Variants in SMARCB1 observed in about 807,000 individuals in gnomAD.
SMARCB1 encodes the protein SWI/SNF-related matrix-associated actin-dependent regulator of chromatin subfamily B member 1.
A neutral mutation model predicts 49.0 loss-of-function variants in SMARCB1; 5 were observed. That is an observed-to-expected ratio of 0.10 (90% CI 0.05 to 0.21). The LOEUF (loss-of-function observed/expected upper bound fraction) is 0.21, where lower values mean the gene tolerates loss of function less well. SMARCB1 is among the 10% of genes least tolerant of loss of function. The probability of loss-of-function intolerance (pLI) is 1.00; values close to 1 mark genes in which losing one functional copy is unlikely to be tolerated. For missense variants in SMARCB1, 226 were observed against 509.2 expected (o/e 0.44, Z 5.35); for synonymous variants, 201 against 200.1 (o/e 1.00, Z -0.04).
At chr22:23,815,003 A>G (rs1230072370) in intron 5 of SMARCB1, 1 of 151,750 alleles carries the variant, frequency 6.6e-6, no homozygotes, top group Non-Finnish European at 1.5e-5. Context: ...AGACAGGAAG[A>G]GAAATTTCAC....
chr22:23,804,532 T>G (rs1180515971), intron 5 of SMARCB1: 1 of 152,140 alleles, frequency 6.6e-6, no homozygotes, highest in African/African-American at 2.4e-5. Flanking sequence ...ATCATAAGTA[T>G]CTTTCTGGTT....
At chr22:23,831,213 C>T (rs936158121) in intron 7 of SMARCB1, among the ~76,000 whole-genome samples, 7 of 152,128 alleles carry the variant, frequency 4.6e-5, no homozygotes, top group African/African-American at 1.4e-4. Context: ...GGTCATTTTC[C>T]CTTGAAGTCT....
intron 5 of SMARCB1, among the ~76,000 whole-genome samples, chr22:23,806,991 G>A (rs1290452270): frequency 6.6e-6 from 1 of 151,646 alleles, no homozygotes; most frequent in Non-Finnish European, 1.5e-5. Context: ...TGAGTTTGAG[G>A]TTATTTTCTC....
chr22:23,813,229 A>G (rs1243751380), intron 5 of SMARCB1, among the ~76,000 whole-genome samples: 1 of 152,266 alleles, frequency 6.6e-6, no homozygotes, highest in Non-Finnish European at 1.5e-5. Flanking sequence ...GAACAAGCCA[A>G]ATATGTCTGC....
At chr22:23,817,000 C>T in intron 6 of SMARCB1, 64 bp downstream of exon 6, 1 of 1,365,820 alleles carries the variant, frequency 7.3e-7, no homozygotes, top group South Asian at 1.2e-5. Flanking sequence ...CATCATGGAG[C>T]ACTGAGGGTA....
chr22:23,793,124 A>G (rs1358839596), intron 2 of SMARCB1: 3 of 265,440 alleles, frequency 1.1e-5, no homozygotes, highest in Admixed American at 4.6e-5. Context: ...CTTCCATTCC[A>G]TCTCCCCACC....
Position 23,837,488 on chromosome 22 carries a change from G to T in SMARCB1, c.*3308G>T, listed in dbSNP as rs569047608. 16 of 721,704 alleles carry T rather than the reference G, an allele frequency of 2.2e-5. No homozygotes were observed. Among genetic ancestry groups the T allele is most frequent in the Admixed American group, 5.8e-5 (2 of 34,632 alleles). The allele number at this position is 721,704 out of a possible 1,614,324, so 44.7% of individuals were successfully genotyped here. A position where few individuals can be genotyped will look rare whatever the true frequency, so the allele number is the denominator to read the frequency against. ...CTGACGATGCAAATTATGTGGGCCG[G>T]CTGGCTTGAGGGGCTGTAAGAGCAC... On this transcript the variant is annotated 3_prime_UTR_variant, in exon 9 of 9. Coordinates refer to ENST00000644036, the MANE Select transcript of SMARCB1 (RefSeq NM_003073.5).
chr22:23,829,583 G>A (rs1445652607), intron 7 of SMARCB1, among the ~76,000 whole-genome samples: 1 of 152,186 alleles, frequency 6.6e-6, no homozygotes, highest in Non-Finnish European at 1.5e-5. Flanking sequence ...TACACGTTGG[G>A]CTGGTTGAGC....
intron 6 of SMARCB1, chr22:23,824,553 AGTCTGTGT>A: frequency 1.3e-5 from 2 of 152,082 alleles, no homozygotes; most frequent in South Asian, 2.1e-4. Flanking sequence ...CCTGGGGTAC[AGTCTGTGT>A]TCTCTCAGCT....
rs1018307005 is a variant in SMARCB1, at chr22:23,801,380, G to A, written c.500+299G>A. On this transcript the variant is annotated intron_variant, in intron 4 of 8. Coordinates refer to ENST00000644036, the MANE Select transcript of SMARCB1 (RefSeq NM_003073.5). ...TCTCTGCCCTCAGTTTCACATGAGT[G>A]GGCCACAGCCAGTCTGATGGTGCAG... is the stretch of plus-strand genomic sequence containing the variant. The A allele has an allele frequency of 2.2e-5, 15 of 674,022 alleles. No individual in the cohort carries two copies. In the African/African-American group the frequency reaches 2.5e-4, roughly 11 times the overall value. The allele number at this position is 674,022 out of a possible 1,614,324, so 41.8% of individuals were successfully genotyped here.
intron 3 of SMARCB1, among the ~76,000 whole-genome samples, chr22:23,795,932 T>A (rs1223224318): frequency 6.6e-6 from 1 of 151,484 alleles, no homozygotes; most frequent in East Asian, 2.0e-4. Flanking sequence ...CTGGGATTAC[T>A]GGAATGCACC....
rs58056758 is a variant in SMARCB1, at chr22:23,822,957, C to CTTTTTTTTT, written c.796-2235_796-2227dup. Among the ~76,000 whole-genome samples the CTTTTTTTTT allele has an allele frequency of 2.1e-4, 15 of 72,764 alleles. 2 individuals carry two copies. Among genetic ancestry groups the CTTTTTTTTT allele is most frequent in the Non-Finnish European group, 2.9e-4 (11 of 37,374 alleles). The allele number at this position is 72,764 out of a possible 152,430, so 47.7% of individuals were successfully genotyped here. A position where few individuals can be genotyped will look rare whatever the true frequency, so the allele number is the denominator to read the frequency against. ...TCTGTCAGTGCCCCCACCAGCATAG[C>CTTTTTTTTT]TTTTTTTTTTTTTTTTTTTTTTTTT... is the stretch of plus-strand genomic sequence containing the variant. On this transcript the variant is annotated intron_variant, in intron 6 of 8. Coordinates refer to ENST00000644036, the MANE Select transcript of SMARCB1 (RefSeq NM_003073.5).
intron 7 of SMARCB1, among the ~76,000 whole-genome samples, chr22:23,830,265 T>C (rs993594978): frequency 6.6e-6 from 1 of 152,248 alleles, no homozygotes; most frequent in African/African-American, 2.4e-5. Context: ...CCATTTTGCA[T>C]TCCCACCAGA....
At chr22:23,833,788 C>G in intron 8 of SMARCB1, 85 bp downstream of exon 8, 1 of 1,495,124 alleles carries the variant, frequency 6.7e-7, no homozygotes, top group Non-Finnish European at 9.3e-7. Flanking sequence ...TTCCCAGTCT[C>G]CCATGGTCTC....
intron 5 of SMARCB1, chr22:23,815,098 T>C (rs1930107757): frequency 6.6e-6 from 1 of 152,190 alleles, no homozygotes; most frequent in African/African-American, 2.4e-5. Flanking sequence ...AAAATTACAC[T>C]GTTATTCCAC....
In SMARCB1 at chr22:23,816,944, A is replaced by G. The variant is rs554388941; in HGVS notation, c.795+8A>G. 2 of 1,613,032 alleles carry G rather than the reference A, an allele frequency of 1.2e-6. No individual in the cohort carries two copies. Among genetic ancestry groups the G allele is most frequent in the African/African-American group, 2.7e-5 (2 of 75,012 alleles). ...CAGCGCGTCATCATCAAGGTAGGTG[A>G]CTTCTCACCCAGCACTGGAGCCTTC... is the stretch of plus-strand genomic sequence containing the variant. On this transcript the variant is annotated splice_region_variant and intron_variant, in intron 6 of 8. Coordinates refer to ENST00000644036, the MANE Select transcript of SMARCB1 (RefSeq NM_003073.5).
Position 23,837,286 on chromosome 22 carries a change from G to A in SMARCB1, c.*3106G>A, listed in dbSNP as rs2031143952. 2.5e-6 allele frequency: 3 copies of A among 1,191,830 alleles called. No individual in the cohort carries two copies. Among genetic ancestry groups the A allele is most frequent in the Non-Finnish European group, 3.6e-6 (3 of 843,398 alleles). The allele number at this position is 1,191,830 out of a possible 1,614,324, so 73.8% of individuals were successfully genotyped here. On this transcript the variant is annotated 3_prime_UTR_variant, in exon 9 of 9. Coordinates refer to ENST00000644036, the MANE Select transcript of SMARCB1 (RefSeq NM_003073.5). ...CACAGCATGAGTGCCCCAAAGCCTTGCACAGAGTGCCAGCCCCGGGTTGGC... is the reference window on the plus strand; with the variant it reads ...CACAGCATGAGTGCCCCAAAGCCTTACACAGAGTGCCAGCCCCGGGTTGGC...
chr22:23,804,757 T>C (rs1929388347), intron 5 of SMARCB1, among the ~76,000 whole-genome samples: 1 of 152,246 alleles, frequency 6.6e-6, no homozygotes, highest in Non-Finnish European at 1.5e-5. Context: ...TTAGCCAGGC[T>C]GGTCTTGAAC....
At chr22:23,798,566 C>A (rs996554425) in intron 3 of SMARCB1, among the ~76,000 whole-genome samples, 3 of 152,116 alleles carry the variant, frequency 2.0e-5, no homozygotes, top group Non-Finnish European at 4.4e-5. Flanking sequence ...CCTCCCTACC[C>A]CTACCAGCGA....
Sources: allele counts gnomAD v4.1 joint callset (sites outside exome capture counted in the v4.1 genomes callset), GRCh38; gene constraint gnomAD v4.1.1; transcripts MANE v1.5; gene names NCBI Gene and HGNC (gene_info 2026-07-23, HGNC 2026-07-21).